USP44: variants seen among roughly 807,000 people sequenced by gnomAD.
USP44 encodes the protein ubiquitin specific peptidase 44.
A neutral mutation model predicts 69.0 loss-of-function variants in USP44; 61 were observed. The observed-to-expected ratio is 0.88, with a 90% CI of 0.72 to 1.09. The LOEUF (loss-of-function observed/expected upper bound fraction) is 1.09, where lower values mean the gene tolerates loss of function less well. USP44 is among the 50% of genes least tolerant of loss of function. USP44 has a pLI of 0.00. For synonymous variants in USP44, 297 were observed against 295.4 expected (o/e 1.01, Z -0.06); for missense variants, 753 against 849.9 (o/e 0.89, Z 1.42).
intron 1 of USP44, among the ~76,000 whole-genome samples, chr12:95,543,552 T>G (rs193189345): frequency 6.6e-6 from 1 of 152,098 alleles, no homozygotes; most frequent in Non-Finnish European, 1.5e-5. Context: ...AGATCTCATC[T>G]CTAGTCAAAT....
intron 1 of USP44, among the ~76,000 whole-genome samples, chr12:95,540,542 G>A (rs1366239735): frequency 4.0e-5 from 6 of 151,872 alleles, no homozygotes; most frequent in Admixed American, 6.6e-5. Flanking sequence ...GGGTTTCACC[G>A]TGTTGGCCAG....
rs1565801576 is a variant in USP44, at chr12:95,521,098, CTG to C, written c.1836_1837del (p.Arg613ThrfsTer7). On this transcript the variant is annotated frameshift_variant, in exon 5 of 6. Coordinates refer to ENST00000258499, the MANE Select transcript of USP44 (RefSeq NM_032147.5). LOFTEE classifies it high-confidence loss of function. ...CAAGTCATAGATAAAGCATTCTGGTCTGAGGGATTTCAGGGTCTCCCTGCAGC... is the reference window on the plus strand; with the variant it reads ...CAAGTCATAGATAAAGCATTCTGGTCAGGGATTTCAGGGTCTCCCTGCAGC... 1 of 1,614,202 alleles carries C rather than the reference CTG, an allele frequency of 6.2e-7. No homozygotes were observed. The highest frequency in any genetic ancestry group is 1.1e-5 in the South Asian group (1 of 91,082).
chr12:95,544,070 T>TC (rs1555204682), intron 1 of USP44, among the ~76,000 whole-genome samples: 1 of 123,058 alleles, frequency 8.1e-6, no homozygotes, highest in Non-Finnish European at 1.7e-5. Flanking sequence ...TTTTTTTTTT[T>TC]CTGAGATGGA....
intron 2 of USP44, among the ~76,000 whole-genome samples, chr12:95,530,192 T>C (rs1330435749): frequency 6.6e-6 from 1 of 152,210 alleles, no homozygotes; most frequent in Non-Finnish European, 1.5e-5. Context: ...TAATACAGAT[T>C]TTAGATTTCA....
intron 1 of USP44, among the ~76,000 whole-genome samples, chr12:95,544,120 T>A (rs2077495352): frequency 7.5e-6 from 1 of 133,946 alleles, no homozygotes. Flanking sequence ...AGTGGCACGA[T>A]CTCGGCTCAC....
intron 4 of USP44, 150 bp from the exon 5 acceptor site, chr12:95,521,352 T>G (rs1005575384): frequency 1.3e-6 from 1 of 752,442 alleles, no homozygotes; most frequent in Non-Finnish European, 2.2e-6. Flanking sequence ...AAGCTGGCTA[T>G]AAATGGAGAC....
At position 95,529,069 on chromosome 12, in the gene USP44, G is replaced by A. The variant is rs565714780; in HGVS notation, c.1429-67C>T. On this transcript the variant is annotated intron_variant, in intron 2 of 5. Coordinates refer to ENST00000258499, the MANE Select transcript of USP44 (RefSeq NM_032147.5). ...ATCAAAACATTAACTCTTTTCACTA[G>A]AGGTCACTGCCACTAAATAAACTTT... is the stretch of plus-strand genomic sequence containing the variant. 2.4e-5 allele frequency: 33 copies of A among 1,373,760 alleles called. No homozygotes were observed. The African/African-American group carries it at 2.5e-4, about 10-fold the overall frequency. The allele number at this position is 1,373,760 out of a possible 1,614,324, so 85.1% of individuals were successfully genotyped here. A position where few individuals can be genotyped will look rare whatever the true frequency, so the allele number is the denominator to read the frequency against.
At chr12:95,522,010 A>C (rs2076681827) in intron 4 of USP44, 1 of 984,128 alleles carries the variant, frequency 1.0e-6, no homozygotes. Flanking sequence ...GACAGAACTG[A>C]AAGAATGCCC....
At chr12:95,543,406 CAAAAAAA>C (rs60127958) in intron 1 of USP44, among the ~76,000 whole-genome samples, 18 of 43,162 alleles carry the variant, frequency 4.2e-4, no homozygotes, top group Non-Finnish European at 5.7e-4. Context: ...GACTCTTTCT[CAAAAAAA>C]AAAAAAAAAA....
At chr12:95,546,840 C>T (rs2077586712) in intron 1 of USP44, 1 of 152,154 alleles carries the variant, frequency 6.6e-6, no homozygotes, top group African/African-American at 2.4e-5. Flanking sequence ...TAGAGATACA[C>T]ATATAAAACA....
chr12:95,532,862 T>C lies in USP44; in HGVS notation c.1395A>G (p.Val465=), dbSNP rs1484712108. ...GAAGTTGTCCATGAAAAATGTTATT[T>C]ACAACATTCAGAACTTGTTTGATGA... ...RKLIKQVLNV[V]NNIFHGQLLS... The change falls in exon 2 of 6, where the codon GTA becomes GTG. Residue 465 remains valine, a synonymous_variant. Transcript: ENST00000258499. The C allele has an allele frequency of 6.3e-7, 1 of 1,591,674 alleles. No individual in the cohort carries two copies. The highest frequency in any genetic ancestry group is 1.4e-5 in the African/African-American group (1 of 73,496).
At chr12:95,550,966 T>A (rs892349951) in intron 1 of USP44, among the ~76,000 whole-genome samples, 13 of 152,200 alleles carry the variant, frequency 8.5e-5, no homozygotes, top group Non-Finnish European at 1.8e-4. Flanking sequence ...GTTTGTAGTT[T>A]AGCTTTTTCT....
Position 95,534,028 on chromosome 12 carries a change from C to T in USP44, c.229G>A (p.Val77Ile), listed in dbSNP as rs560254924. The change falls in exon 2 of 6, where the codon GTT becomes ATT. Residue 77 changes from valine to isoleucine, a missense_variant. Val to Ile is a conservative substitution (Grantham distance 29). Coordinates refer to ENST00000258499, the MANE Select transcript of USP44 (RefSeq NM_032147.5). ...TAATCATCACAAAGGTAACAAAAAA[C>T]GTACATCTCATTCACCTCCAATGCA... ...PVALEVNEMY[V>I]FCYLCDDYVL... is the part of the protein sequence containing the mutation. 1.4e-4 allele frequency: 222 copies of T among 1,614,192 alleles called. 3 individuals are homozygous for T. The East Asian group carries it at 3.8e-3, about 28-fold the overall frequency.
intron 3 of USP44, among the ~76,000 whole-genome samples, chr12:95,528,552 C>G (rs1006090257): frequency 4.6e-5 from 7 of 152,188 alleles, no homozygotes; most frequent in African/African-American, 1.7e-4. Flanking sequence ...CTCCACATAT[C>G]ATATTTAAAC....
chr12:95,536,039 C>CTTTTT (rs397821709), intron 1 of USP44, among the ~76,000 whole-genome samples: 29 of 97,510 alleles, frequency 3.0e-4, no homozygotes, highest in African/African-American at 5.1e-4. Flanking sequence ...CTTTTTTTTC[C>CTTTTT]TTTTTTTTTT....
chr12:95,551,282 C>G lies in USP44; in HGVS notation c.-81G>C, dbSNP rs1292645971. On this transcript the variant is annotated 5_prime_UTR_variant, in exon 1 of 6. Coordinates refer to ENST00000258499, the MANE Select transcript of USP44 (RefSeq NM_032147.5). ...TGTCCCCAAACTTACCTATTAAAAC[C>G]TCAAAATCAGTCTTTCCCCAGGTCG... is the stretch of plus-strand genomic sequence containing the variant. The G allele has an allele frequency of 6.6e-6, 1 of 152,240 alleles. No homozygotes were observed. Among genetic ancestry groups the G allele is most frequent in the African/African-American group, 2.4e-5 (1 of 41,382 alleles). The allele number at this position is 152,240 out of a possible 1,614,324, so 9.4% of individuals were successfully genotyped here.
At chr12:95,520,328 T>C (rs1288799146) in intron 5 of USP44, among the ~76,000 whole-genome samples, 1 of 151,964 alleles carries the variant, frequency 6.6e-6, no homozygotes, top group African/African-American at 2.4e-5. Context: ...CCGTCTCTAC[T>C]GAAAATACAA....
At chr12:95,536,039 C>CTTTTTT (rs397821709) in intron 1 of USP44, among the ~76,000 whole-genome samples, 16 of 97,512 alleles carry the variant, frequency 1.6e-4, no homozygotes, top group Non-Finnish European at 2.3e-4. Context: ...CTTTTTTTTC[C>CTTTTTT]TTTTTTTTTT....
In USP44 at chr12:95,533,236, C is replaced by A; in HGVS notation, c.1021G>T (p.Asp341Tyr). The change falls in exon 2 of 6, where the codon GAT (aspartate) becomes TAT (tyrosine). Residue 341 changes from aspartate to tyrosine, a missense_variant. By Grantham distance (160) the Asp-to-Tyr change is radical. Coordinates refer to ENST00000258499, the MANE Select transcript of USP44 (RefSeq NM_032147.5). ...TGTCTGGAGCAAACAAAACCTGTAT[C>A]TTTTTCCTGACATTCATTCATTTGA... ...VYQMNECQEK[D>Y]TGFVCSRQSS... 6.2e-7 allele frequency: 1 copy of A among 1,614,128 alleles called. No individual in the cohort carries two copies. Among genetic ancestry groups the A allele is most frequent in the Non-Finnish European group, 8.5e-7 (1 of 1,179,994 alleles).
Sources: gnomAD v4.1 joint callset for allele counts (sites outside exome capture counted in the v4.1 genomes callset) on GRCh38, gnomAD v4.1.1 for gene constraint, MANE v1.5 for transcripts, NCBI Gene and HGNC (gene_info 2026-07-23, HGNC 2026-07-21) for gene names.